APOLD1: variants seen among roughly 807,000 people sequenced by gnomAD.
APOLD1 encodes apolipoprotein L domain-containing protein 1.
In APOLD1, 22 loss-of-function variants were observed where a neutral mutation model predicts 15.3. The observed-to-expected ratio is 1.44, with a 90% confidence interval of 1.03 to 2.05. The LOEUF (loss-of-function observed/expected upper bound fraction) is 2.05, where lower values mean the gene tolerates loss of function less well. Ranked by LOEUF, APOLD1 falls within the 30% of genes most tolerant of loss-of-function variation. The pLI, the probability that APOLD1 is intolerant of heterozygous loss-of-function variation, is 0.00. For synonymous variants in APOLD1, 190 were observed against 167.4 expected (o/e 1.13, Z -1.04); for missense variants, 394 against 353.5 (o/e 1.11, Z -0.92).
intron 1 of APOLD1, chr12:12,771,716 T>TTATTTTG: frequency 2.8e-6 from 1 of 351,076 alleles, no homozygotes; most frequent in Non-Finnish European, 5.6e-6. Context: ...TCCTAACAGA[T>TTATTTTG]AACAGTTTGT....
rs532955966 is a variant in APOLD1, at chr12:12,789,054, T to A, written c.*1402T>A. 3 of 152,388 alleles carry A rather than the reference T, an allele frequency of 2.0e-5. No individual in the cohort carries two copies. Among genetic ancestry groups the A allele is most frequent in the Admixed American group, 6.5e-5 (1 of 15,312 alleles). The allele number at this position is 152,388 out of a possible 1,614,324, so 9.4% of individuals were successfully genotyped here. On this transcript the variant is annotated 3_prime_UTR_variant, in exon 2 of 2. Coordinates refer to ENST00000356591, the MANE Select transcript of APOLD1 (RefSeq NM_030817.3). ...AGTTCCTGAAACTGACCTTTGTCTA[T>A]TATTACCTTCTCTGAAAAGTGCCAG...
chr12:12,753,214 G>A (rs1393565015), intron 1 of APOLD1, among the ~76,000 whole-genome samples: 2 of 152,172 alleles, frequency 1.3e-5, no homozygotes, highest in African/African-American at 2.4e-5. Flanking sequence ...CTCAATAGAC[G>A]ATAAAACTTC....
chr12:12,783,859 C>T (rs771132864), upstream of APOLD1, among the ~76,000 whole-genome samples: 1 of 151,946 alleles, frequency 6.6e-6, no homozygotes, highest in Non-Finnish European at 1.5e-5. Context: ...GTCTCGAACT[C>T]CTGACTTCAA....
chr12:12,757,942 T>TC (rs1158385954), intron 1 of APOLD1, among the ~76,000 whole-genome samples: 1 of 146,790 alleles, frequency 6.8e-6, no homozygotes, highest in East Asian at 2.0e-4. Flanking sequence ...AATATCTTTT[T>TC]TTTTTTTTTT....
upstream of APOLD1, chr12:12,785,479 G>A (rs1235593589): frequency 7.5e-6 from 5 of 669,568 alleles, no homozygotes; most frequent in African/African-American, 3.6e-5. Flanking sequence ...CACAATGTTC[G>A]TTTCCTAAAT....
intron 1 of APOLD1, among the ~76,000 whole-genome samples, chr12:12,743,325 A>G (rs1264575046): frequency 6.6e-6 from 1 of 152,154 alleles, no homozygotes; most frequent in African/African-American, 2.4e-5. Flanking sequence ...AGCCCAGTCA[A>G]TCACTGATGC....
chr12:12,750,302 A>G (rs977854480), intron 1 of APOLD1, among the ~76,000 whole-genome samples: 6 of 141,416 alleles, frequency 4.2e-5, no homozygotes, highest in African/African-American at 1.5e-4. Context: ...AACCCGGGAG[A>G]CGGAGGTTGC....
Position 12,726,048 on chromosome 12 carries a change from G to A in APOLD1, c.48G>A (p.Lys16=), listed in dbSNP as rs1360581014. 4 of 1,541,526 alleles carry A rather than the reference G, an allele frequency of 2.6e-6. No homozygotes were observed. In the East Asian group the frequency reaches 1.0e-4, roughly 38 times the overall value. ...GGCTGCGGGCCAGGGGTACTCGGAAGGCGCGGGCAGGAGCCTGGCGAGGAT... is the reference window on the plus strand; with the variant it reads ...GGCTGCGGGCCAGGGGTACTCGGAAAGCGCGGGCAGGAGCCTGGCGAGGAT... Residue 16 remains lysine, a synonymous_variant, in exon 1 of 2, where the codon AAG becomes AAA. Transcript: ENST00000326765.
Position 12,777,250 on chromosome 12 carries a change from T to C in APOLD1, c.97-9659T>C, listed in dbSNP as rs146231027. ...CTCCCTGCCCAGTGCAGACAGTAGA[T>C]GGGCACTTGACCTAAGCTCAGCCAA... is the stretch of plus-strand genomic sequence containing the variant. On this transcript the variant is annotated intron_variant, in intron 1 of 1. Transcript: ENST00000326765. Among the ~76,000 whole-genome samples the C allele has an allele frequency of 2.5e-3, 379 of 152,324 alleles. 12 individuals carry two copies. The highest frequency in any genetic ancestry group is 0.021 in the Admixed American group (325 of 15,300).
chr12:12,751,016 T>C (rs1946809104), intron 1 of APOLD1, among the ~76,000 whole-genome samples: 1 of 151,918 alleles, frequency 6.6e-6, no homozygotes, highest in South Asian at 2.1e-4. Context: ...GTTGAACTCC[T>C]GGGCTCAAGC....
chr12:12,744,044 G>A lies in APOLD1; in HGVS notation c.96+17948G>A, dbSNP rs574006901. 3.2e-4 allele frequency among the ~76,000 whole-genome samples: 49 copies of A among 152,344 alleles called. No individual in the cohort carries two copies. The South Asian group carries it at 6.4e-3, about 20-fold the overall frequency. The stretch of plus-strand genomic sequence containing the variant: ...TATTAAATTGATGATGGCTGGGCGT[G>A]GTGGCTCATGCCTGTAATCCCAACA... On this transcript the variant is annotated intron_variant, in intron 1 of 1. Coordinates refer to the APOLD1 transcript ENST00000326765.
At position 12,726,098 on chromosome 12, in the gene APOLD1, T is replaced by C; in HGVS notation, c.96+2T>C. 6.8e-7 allele frequency: 1 copy of C among 1,480,622 alleles called. No homozygotes were observed. The highest frequency in any genetic ancestry group is 2.4e-5 in the Admixed American group (1 of 41,558). The allele number at this position is 1,480,622 out of a possible 1,614,324, so 91.7% of individuals were successfully genotyped here. On this transcript the variant is annotated splice_donor_variant, in intron 1 of 1. Coordinates refer to the APOLD1 transcript ENST00000326765. LOFTEE classifies it high-confidence loss of function. ...TGCACCTTCCCCTGCCTTGGAAAGG[T>C]AGAACTGGGGAGTGCGGGAGGGTGG...
chr12:12,729,023 G>T (rs1946616567), intron 1 of APOLD1, among the ~76,000 whole-genome samples: 1 of 152,136 alleles, frequency 6.6e-6, no homozygotes. Flanking sequence ...TCGTTCCTTT[G>T]TTGTAGCAGT....
intron 1 of APOLD1, among the ~76,000 whole-genome samples, chr12:12,751,669 A>G (rs536213593): frequency 6.6e-6 from 1 of 152,266 alleles, no homozygotes; most frequent in South Asian, 2.1e-4. Flanking sequence ...CTCTTAGGCA[A>G]CCTCGATATT....
upstream of APOLD1, among the ~76,000 whole-genome samples, chr12:12,782,899 T>C (rs1194046139): frequency 2.0e-5 from 3 of 152,176 alleles, no homozygotes; most frequent in Non-Finnish European, 4.4e-5. Context: ...ATTGTGTCTT[T>C]ACTATATGAA....
chr12:12,746,526 C>CATAA (rs1442874707), intron 1 of APOLD1, among the ~76,000 whole-genome samples: 8 of 147,834 alleles, frequency 5.4e-5, no homozygotes, highest in African/African-American at 1.5e-4. Context: ...TACATAAATA[C>CATAA]ATACATACAT....
chr12:12,775,966 T>C (rs1439207863), intron 1 of APOLD1, among the ~76,000 whole-genome samples: 1 of 121,536 alleles, frequency 8.2e-6, no homozygotes, highest in African/African-American at 3.1e-5. Context: ...ATCATGCCAC[T>C]GCACTCCAGC....
chr12:12,773,371 G>A (rs931427682), intron 1 of APOLD1, among the ~76,000 whole-genome samples: 1 of 152,068 alleles, frequency 6.6e-6, no homozygotes, highest in Admixed American at 6.6e-5. Flanking sequence ...GAACCAGGGT[G>A]GGCAACATAG....
intron 1 of APOLD1, among the ~76,000 whole-genome samples, chr12:12,776,467 T>A (rs560832391): frequency 2.0e-5 from 3 of 152,308 alleles, no homozygotes; most frequent in South Asian, 4.1e-4. Flanking sequence ...TCAGCTGCAG[T>A]CTTTCTGGCA....
Sources: allele counts gnomAD v4.1 joint callset (sites outside exome capture counted in the v4.1 genomes callset), GRCh38; gene constraint gnomAD v4.1.1; transcripts MANE v1.5; gene names NCBI Gene and HGNC (gene_info 2026-07-23, HGNC 2026-07-21).